Variants in MACF1 observed in about 807,000 individuals in gnomAD.
MACF1 encodes microtubule actin crosslinking factor 1.
In MACF1, 193 loss-of-function variants were observed where a neutral mutation model predicts 854.8. That is an observed-to-expected ratio of 0.23 (90% CI 0.20 to 0.25). The LOEUF is 0.25. MACF1 is among the 10% of genes least tolerant of loss of function. MACF1 has a pLI of 1.00. For missense variants in MACF1, 7,722 were observed against 8,929.1 expected (o/e 0.86, Z 5.45); for synonymous variants, 3,185 against 3,226.7 (o/e 0.99, Z 0.44).
intron 97 of MACF1, among the ~76,000 whole-genome samples, chr1:39,474,892 G>T (rs546144093): frequency 4.6e-5 from 7 of 152,250 alleles, no homozygotes; most frequent in African/African-American, 1.4e-4. Context: ...GGATGTTCTT[G>T]GTACAGAAAC....
Position 39,388,313 on chromosome 1 carries a change from C to G in MACF1, c.15471C>G (p.Ser5157=). 1 of 1,614,118 alleles carries G rather than the reference C, an allele frequency of 6.2e-7. No individual in the cohort carries two copies. ...GCAGAGACACTGATAGCCTCCAGTC[C>G]CAAATCGAGGATGTCCGGCTATTCC... is the stretch of plus-strand genomic sequence containing the variant. ...AIGRDTDSLQ[S]QIEDVRLFLN... Residue 5157 remains serine, a synonymous_variant, in exon 58 of 101, where the codon TCC becomes TCG. Coordinates refer to ENST00000564288, the MANE Select transcript of MACF1 (RefSeq NM_001394062.1).
intron 43 of MACF1, 23 bp downstream of exon 43, chr1:39,351,041 G>A: frequency 6.4e-7 from 1 of 1,561,726 alleles, no homozygotes; most frequent in Non-Finnish European, 8.7e-7. Flanking sequence ...TATGACGCTT[G>A]ATATTTTTCA....
intron 56 of MACF1, among the ~76,000 whole-genome samples, chr1:39,383,295 T>G (rs1569822232): frequency 6.6e-6 from 1 of 152,212 alleles, no homozygotes; most frequent in African/African-American, 2.4e-5. Context: ...TTTTAGTTCC[T>G]GCATCCAGGT....
In MACF1 at chr1:39,334,316, G is replaced by C. The variant is rs771448630; in HGVS notation, c.7728G>C (p.Glu2576Asp). Residue 2576 changes from glutamate (E) to aspartate (D), a missense_variant, in exon 37 of 101, where the codon GAG becomes GAC. Physicochemically the swap from Glu to Asp is conservative, Grantham distance 45 (BLOSUM62 2). Coordinates refer to ENST00000564288, the MANE Select transcript of MACF1 (RefSeq NM_001394062.1). ...CAGACCTGAAAAGAGAAATCCAGGAGGTTCAGGCCTTTACTGGAAACTTTG... is the reference window on the plus strand; with the variant it reads ...CAGACCTGAAAAGAGAAATCCAGGACGTTCAGGCCTTTACTGGAAACTTTG... ...ITSDLKREIQ[E>D]VQAFTGNFVD... 1 of 1,614,102 alleles carries C rather than the reference G, an allele frequency of 6.2e-7. No homozygotes were observed. Among genetic ancestry groups the C allele is most frequent in the Non-Finnish European group, 8.5e-7 (1 of 1,179,986 alleles).
chr1:39,400,800 A>G (rs551714895), intron 58 of MACF1, among the ~76,000 whole-genome samples: 1 of 152,122 alleles, frequency 6.6e-6, no homozygotes, highest in Non-Finnish European at 1.5e-5. Flanking sequence ...GAGCCATTGT[A>G]TCAAGCCTGT....
At chr1:39,410,763 A>G (rs1642957634) in intron 58 of MACF1, 6 of 1,614,002 alleles carry the variant, frequency 3.7e-6, no homozygotes, top group African/African-American at 1.3e-5. Context: ...CTTCCTTGCA[A>G]GAGAAGAAGG....
intron 14 of MACF1, 143 bp from the exon 15 acceptor site, chr1:39,287,143 T>C (rs1273093560): frequency 1.2e-6 from 1 of 844,502 alleles, no homozygotes; most frequent in African/African-American, 1.7e-5. Context: ...GTATTTTTAG[T>C]AGAGACGGGG....
intron 61 of MACF1, among the ~76,000 whole-genome samples, chr1:39,426,204 A>G (rs1643722031): frequency 6.6e-6 from 1 of 152,212 alleles, no homozygotes; most frequent in Non-Finnish European, 1.5e-5. Flanking sequence ...GGCATAAACA[A>G]ACTAGGAAAG....
intron 2 of MACF1, among the ~76,000 whole-genome samples, chr1:39,236,157 G>C (rs768332028): frequency 2.6e-5 from 4 of 152,192 alleles, no homozygotes; most frequent in Admixed American, 6.5e-5. Flanking sequence ...GAGAGGGTAA[G>C]TAATTTGTTC....
intron 100 of MACF1, 137 bp downstream of exon 100, chr1:39,484,867 A>G (rs747971934): frequency 1.6e-5 from 15 of 957,444 alleles, no homozygotes; most frequent in Non-Finnish European, 2.3e-5. Flanking sequence ...AGACCTGCAG[A>G]TGCTCAAGTG....
chr1:39,293,641 G>C (rs141520393), intron 18 of MACF1, 22 bp downstream of exon 18: 1 of 1,600,666 alleles, frequency 6.2e-7, no homozygotes, highest in Non-Finnish European at 8.5e-7. Context: ...ACAGTAGCAG[G>C]CCTGTCATAC....
At chr1:39,169,451 T>C (rs1335426053) in intron 2 of MACF1, among the ~76,000 whole-genome samples, 1 of 151,908 alleles carries the variant, frequency 6.6e-6, no homozygotes, top group Admixed American at 6.6e-5. Context: ...AACATTTTTT[T>C]TTAAGTAGCC....
intron 62 of MACF1, 73 bp from the exon 63 acceptor site, chr1:39,427,888 G>A (rs1287918711): frequency 2.6e-6 from 3 of 1,170,720 alleles, no homozygotes; most frequent in Non-Finnish European, 2.4e-6. Context: ...TGTATCATTT[G>A]TTATTCATCA....
intron 2 of MACF1, among the ~76,000 whole-genome samples, chr1:39,234,861 C>T (rs1490038588): frequency 3.0e-5 from 3 of 100,282 alleles, no homozygotes; most frequent in African/African-American, 9.0e-5. Flanking sequence ...TCCTCACATC[C>T]CAGACGGGGC....
At position 39,398,745 on chromosome 1, in the gene MACF1, A is replaced by G. The variant is rs552823940; in HGVS notation, c.15816+10087A>G. Among the ~76,000 whole-genome samples the G allele has an allele frequency of 2.0e-4, 31 of 152,324 alleles. No individual in the cohort carries two copies. In the South Asian group the frequency reaches 6.4e-3, roughly 32 times the overall value. Reference sequence around the variant, plus strand: ...ACAGATAGAGTCAGGATCTTGGGGAACTAATCTGAGTCAGCGACTGAAGAA... The same window carrying G: ...ACAGATAGAGTCAGGATCTTGGGGAGCTAATCTGAGTCAGCGACTGAAGAA... On this transcript the variant is annotated intron_variant, in intron 58 of 100. Transcript: ENST00000564288.
At chr1:39,275,126 TGGAGTGCA>T (rs1472218542) in intron 6 of MACF1, among the ~76,000 whole-genome samples, 28 of 151,090 alleles carry the variant, frequency 1.9e-4, no homozygotes, top group Non-Finnish European at 3.8e-4. Context: ...TCGCCCAGGC[TGGAGTGCA>T]GTGGCGCGAT....
Position 39,332,745 on chromosome 1 carries a change from G to T in MACF1, c.6157G>T (p.Asp2053Tyr), listed in dbSNP as rs192157026. The change falls in exon 37 of 101, where the codon GAT becomes TAT. Residue 2053 changes from aspartate to tyrosine, a missense_variant. By Grantham distance (160) the Asp-to-Tyr change is radical. Transcript: ENST00000564288. ...TTCTTCTCAGAACAAAGAATATCCC[G>T]ATCGGGAAGATTGCACTACAGAAAA... is the stretch of plus-strand genomic sequence containing the variant. Reference protein sequence around the residue: ...QFSSQNKEYPDREDCTTEKGK... With the variant: ...QFSSQNKEYPYREDCTTEKGK... 1 of 1,614,130 alleles carries T rather than the reference G, an allele frequency of 6.2e-7. No homozygotes were observed. Among genetic ancestry groups the T allele is most frequent in the Non-Finnish European group, 8.5e-7 (1 of 1,180,024 alleles).
chr1:39,388,275 A>G lies in MACF1; in HGVS notation c.15433A>G (p.Met5145Val). The change falls in exon 58 of 101, where the codon ATG (methionine) becomes GTG (valine). Residue 5145 changes from methionine (M) to valine (V), a missense_variant. By Grantham distance (21) the Met-to-Val change is conservative. Around this residue, in one of 15 missense-constraint regions of MACF1, gnomAD observed 2,807 missense variants for 3,235.8 expected, o/e 0.87. Coordinates refer to ENST00000564288, the MANE Select transcript of MACF1 (RefSeq NM_001394062.1). ...AGACCTGGATGATGAGCTAGATGGCATGGGTGCTATTGGCAGAGACACTGA... is the reference window on the plus strand; with the variant it reads ...AGACCTGGATGATGAGCTAGATGGCGTGGGTGCTATTGGCAGAGACACTGA... ...LADLDDELDGMGAIGRDTDSL... is the reference protein window; with the variant it reads ...LADLDDELDGVGAIGRDTDSL... 1 of 1,614,224 alleles carries G rather than the reference A, an allele frequency of 6.2e-7. No homozygotes were observed. Among genetic ancestry groups the G allele is most frequent in the African/African-American group, 1.3e-5 (1 of 75,074 alleles).
intron 58 of MACF1, among the ~76,000 whole-genome samples, chr1:39,417,635 C>G (rs1643365843): frequency 6.6e-6 from 1 of 151,396 alleles, no homozygotes; most frequent in Admixed American, 6.6e-5. Flanking sequence ...CAGCCTCTAC[C>G]TCCCGGGTTC....
Sources: allele counts gnomAD v4.1 joint callset (sites outside exome capture counted in the v4.1 genomes callset), GRCh38; gene constraint gnomAD v4.1.1; regional missense constraint gnomAD v4.1.1; transcripts MANE v1.5; gene names NCBI Gene and HGNC (gene_info 2026-07-23, HGNC 2026-07-21).